The following ASCC3 variants were observed in gnomAD, a reference collection of about 807,000 sequenced individuals.
ASCC3 encodes the protein ASC-1 complex subunit P200.
Under a neutral mutation model 256.3 loss-of-function variants are expected in ASCC3, and 158 were observed. That is an observed-to-expected ratio of 0.62 (90% CI 0.54 to 0.70). The LOEUF (loss-of-function observed/expected upper bound fraction) is 0.70, where lower values mean the gene tolerates loss of function less well. Ranked by LOEUF, ASCC3 falls within the 30% of genes least tolerant of loss-of-function variation. ASCC3 has a pLI of 0.00. For synonymous variants in ASCC3, 948 were observed against 883.4 expected (o/e 1.07, Z -1.30); for missense variants, 2,259 against 2,626.0 (o/e 0.86, Z 3.05).
At chr6:100,635,908 G>T (rs1281132158) in intron 25 of ASCC3, among the ~76,000 whole-genome samples, 8 of 152,084 alleles carry the variant, frequency 5.3e-5, no homozygotes, top group Admixed American at 3.9e-4. Context: ...ATACAGAAAA[G>T]ATTTGATTAT....
chr6:100,744,865 G>T lies in ASCC3; in HGVS notation c.1738-19162C>A, dbSNP rs951870679. 2.0e-5 allele frequency among the ~76,000 whole-genome samples: 3 copies of T among 152,322 alleles called. No homozygotes were observed. In the South Asian group the frequency reaches 6.2e-4, roughly 32 times the overall value. ...AATTCTCACCATATGTTTGAGAATT[G>T]TGTCAAAATTGGTTCAAGAATCAGG... On this transcript the variant is annotated intron_variant, in intron 10 of 41. Transcript: ENST00000369162.
intron 23 of ASCC3, among the ~76,000 whole-genome samples, chr6:100,642,963 A>G (rs1406699895): frequency 2.0e-5 from 3 of 152,140 alleles, no homozygotes; most frequent in African/African-American, 7.2e-5. Context: ...TGGCTAATTT[A>G]TATTATTTAC....
intron 37 of ASCC3, among the ~76,000 whole-genome samples, chr6:100,534,047 A>G (rs977985900): frequency 3.1e-4 from 47 of 152,182 alleles, no homozygotes; most frequent in African/African-American, 1.1e-3. Context: ...GTTTGAGACA[A>G]GACTGGACAA....
At chr6:100,740,980 G>A (rs536982274) in intron 10 of ASCC3, among the ~76,000 whole-genome samples, 2 of 152,184 alleles carry the variant, frequency 1.3e-5, no homozygotes, top group East Asian at 1.9e-4. Flanking sequence ...CAGTGTCACT[G>A]CTCTGTTTAA....
intron 10 of ASCC3, among the ~76,000 whole-genome samples, chr6:100,735,945 T>C (rs975595090): frequency 1.3e-5 from 2 of 152,150 alleles, no homozygotes; most frequent in African/African-American, 2.4e-5. Context: ...GGCATCTCCA[T>C]ACCCACATTT....
At chr6:100,802,735 C>A (rs540153908) in intron 5 of ASCC3, among the ~76,000 whole-genome samples, 3 of 152,124 alleles carry the variant, frequency 2.0e-5, no homozygotes, top group Admixed American at 2.0e-4. Context: ...CACTGTGGCT[C>A]ACACCTGTAA....
At chr6:100,743,779 C>A (rs1780543359) in intron 10 of ASCC3, among the ~76,000 whole-genome samples, 1 of 152,072 alleles carries the variant, frequency 6.6e-6, no homozygotes, top group Non-Finnish European at 1.5e-5. Flanking sequence ...CCTACTAGTA[C>A]AAATCCTACA....
Position 100,798,731 on chromosome 6 carries a change from A to G in ASCC3, c.1377T>C (p.Tyr459=). Reference sequence around the variant, plus strand: ...ATCTCACCTCATCTAAGTCTTGGATATAAACTGGCTTTTCCTCAAAGCTGA... The same window carrying G: ...ATCTCACCTCATCTAAGTCTTGGATGTAAACTGGCTTTTCCTCAAAGCTGA... ...MPLSFEEKPV[Y]IQDLDEIGQL... Residue 459 remains tyrosine (Y), a synonymous_variant, in exon 8 of 42, where the codon TAT becomes TAC. Coordinates refer to ENST00000369162, the MANE Select transcript of ASCC3 (RefSeq NM_006828.4). 1 of 1,612,860 alleles carries G rather than the reference A, an allele frequency of 6.2e-7. No homozygotes were observed. The highest frequency in any genetic ancestry group is 8.5e-7 in the Non-Finnish European group (1 of 1,179,396).
Position 100,606,961 on chromosome 6 carries a change from CA to C in ASCC3, c.4912del (p.Cys1638ValfsTer12). 1 of 1,613,432 alleles carries C rather than the reference CA, an allele frequency of 6.2e-7. No individual in the cohort carries two copies. The highest frequency in any genetic ancestry group is 2.2e-5 in the East Asian group (1 of 44,790). On this transcript the variant is annotated frameshift_variant, in exon 31 of 42. Transcript: ENST00000369162. ...RKTVEELFVN[C>X]KVQVLIATST... The stretch of plus-strand genomic sequence containing the variant: ...GAGAAAAAAAAGTACCTGAACTTTA[CA>C]GTTTACAAATAGTTCCTCTACTGTT...
chr6:100,874,051 G>A (rs1433754822), intron 1 of ASCC3, among the ~76,000 whole-genome samples: 1 of 152,158 alleles, frequency 6.6e-6, no homozygotes, highest in East Asian at 1.9e-4. Context: ...CACTAAAAAT[G>A]TAACAGCTCA....
intron 14 of ASCC3, among the ~76,000 whole-genome samples, chr6:100,666,852 GA>G (rs1776500789): frequency 6.6e-6 from 1 of 150,960 alleles, no homozygotes; most frequent in Non-Finnish European, 1.5e-5. Flanking sequence ...GTCACTAACA[GA>G]CAAAAAAAAA....
At chr6:100,790,135 T>G (rs1176100991) in intron 8 of ASCC3, among the ~76,000 whole-genome samples, 2 of 152,020 alleles carry the variant, frequency 1.3e-5, no homozygotes, top group Non-Finnish European at 2.9e-5. Flanking sequence ...ATATAAGCAT[T>G]TCTTGAGCTA....
intron 10 of ASCC3, among the ~76,000 whole-genome samples, chr6:100,742,215 C>T (rs1430136743): frequency 1.3e-5 from 2 of 152,188 alleles, no homozygotes; most frequent in East Asian, 3.9e-4. Flanking sequence ...GACTATGAAA[C>T]AGCAAAGATG....
chr6:100,530,736 T>G, intron 37 of ASCC3: 1 of 953,304 alleles, frequency 1.0e-6, no homozygotes, highest in East Asian at 2.4e-5. Context: ...ACCAGGACAA[T>G]TTAAGGATTT....
At chr6:100,758,079 A>T (rs1422863020) in intron 10 of ASCC3, among the ~76,000 whole-genome samples, 2 of 152,106 alleles carry the variant, frequency 1.3e-5, no homozygotes, top group Admixed American at 6.6e-5. Flanking sequence ...TTTAAATAGG[A>T]AGCCCTCTGA....
intron 3 of ASCC3, chr6:100,856,476 T>C (rs2114525221): frequency 2.2e-6 from 2 of 895,282 alleles, no homozygotes; most frequent in Non-Finnish European, 2.7e-6. Context: ...ATAAAAATCA[T>C]AGTAATTCTT....
chr6:100,731,120 A>G (rs371990670), intron 10 of ASCC3, among the ~76,000 whole-genome samples: 2 of 152,350 alleles, frequency 1.3e-5, no homozygotes, highest in African/African-American at 4.8e-5. Context: ...CATTTACAAA[A>G]AAAAAGGATA....
intron 10 of ASCC3, among the ~76,000 whole-genome samples, chr6:100,745,133 C>T (rs1276019224): frequency 6.6e-6 from 1 of 152,104 alleles, no homozygotes; most frequent in Non-Finnish European, 1.5e-5. Context: ...TAGAGACCAG[C>T]CTGATCAACA....
Position 100,833,095 on chromosome 6 carries a change from C to T in ASCC3, c.801+15053G>A, listed in dbSNP as rs75379407. On this transcript the variant is annotated intron_variant, in intron 4 of 41. Transcript: ENST00000369162. ...AATGAATAAACAAATTGTACTATATCTGTATAATGGAGTATTTTATTCAAT... is the reference window on the plus strand; with the variant it reads ...AATGAATAAACAAATTGTACTATATTTGTATAATGGAGTATTTTATTCAAT... Among the ~76,000 whole-genome samples the T allele has an allele frequency of 0.012, 1,886 of 152,112 alleles. 97 individuals are homozygous for T. In the East Asian group the frequency reaches 0.15, roughly 12 times the overall value.
Sources: allele counts gnomAD v4.1 joint callset (sites outside exome capture counted in the v4.1 genomes callset), GRCh38; gene constraint gnomAD v4.1.1; transcripts MANE v1.5; gene names NCBI Gene and HGNC (gene_info 2026-07-23, HGNC 2026-07-21).